The following RIT2 variants were observed in gnomAD, a reference collection of about 807,000 sequenced individuals.
The protein encoded by RIT2 is GTP-binding protein Rit2.
In RIT2, 24 loss-of-function variants were observed where a neutral mutation model predicts 23.7. That is an observed-to-expected ratio of 1.01 (90% confidence interval 0.73 to 1.43). The LOEUF is 1.43. Among genes scored for constraint, RIT2 ranks in the 40% most tolerant of loss-of-function variants. The pLI, the probability that RIT2 is intolerant of heterozygous loss-of-function variation, is 0.00. For synonymous variants in RIT2, 107 were observed against 91.1 expected (o/e 1.17, Z -0.99); for missense variants, 236 against 266.9 (o/e 0.88, Z 0.81).
intron 4 of RIT2, among the ~76,000 whole-genome samples, chr18:42,759,712 TACACACACAC>T (rs59733922): frequency 0.01 from 1,349 of 131,624 alleles, 11 homozygotes; most frequent in African/African-American, 0.02. Context: ...GTGTTAAATC[TACACACACAC>T]ACACACACAC....
chr18:42,753,170 G>C (rs1311441000), intron 4 of RIT2, among the ~76,000 whole-genome samples: 3 of 152,156 alleles, frequency 2.0e-5, no homozygotes, highest in African/African-American at 7.2e-5. Flanking sequence ...GTGGGAAGCG[G>C]CAAGCATCCT....
At chr18:43,108,274 C>T (rs1188730024) in intron 1 of RIT2, among the ~76,000 whole-genome samples, 1 of 151,666 alleles carries the variant, frequency 6.6e-6, no homozygotes, top group African/African-American at 2.4e-5. Context: ...ATAATGTAAA[C>T]ATCGAACTTA....
chr18:42,859,955 T>C (rs2144048019), intron 4 of RIT2, among the ~76,000 whole-genome samples: 1 of 151,634 alleles, frequency 6.6e-6, no homozygotes, highest in East Asian at 2.0e-4. Context: ...TCAGAGCCCC[T>C]CTACACATTT....
intron 2 of RIT2, among the ~76,000 whole-genome samples, chr18:43,026,325 G>A (rs772353090): frequency 5.9e-5 from 9 of 152,058 alleles, no homozygotes; most frequent in Non-Finnish European, 1.3e-4. Context: ...GGAAGCCAAC[G>A]CTGGTGGATC....
chr18:42,855,272 C>T (rs1448775637), intron 4 of RIT2, among the ~76,000 whole-genome samples: 1 of 152,098 alleles, frequency 6.6e-6, no homozygotes, highest in Non-Finnish European at 1.5e-5. Flanking sequence ...AAGTTTTCAT[C>T]AGGGAAATAC....
At chr18:42,938,098 T>TGATA (rs71371608) in intron 3 of RIT2, among the ~76,000 whole-genome samples, 1 of 152,082 alleles carries the variant, frequency 6.6e-6, no homozygotes, top group African/African-American at 2.4e-5. Context: ...ATATGATATC[T>TGATA]AAGAAAGAAA....
intron 1 of RIT2, among the ~76,000 whole-genome samples, chr18:43,054,696 T>C (rs898941353): frequency 1.3e-5 from 2 of 152,190 alleles, no homozygotes; most frequent in African/African-American, 4.8e-5. Context: ...ACCTTGATAA[T>C]AGAAATATTT....
intron 4 of RIT2, among the ~76,000 whole-genome samples, chr18:42,799,372 T>A (rs992400791): frequency 6.6e-6 from 1 of 152,206 alleles, no homozygotes; most frequent in Non-Finnish European, 1.5e-5. Context: ...TCATAAATAA[T>A]CATCTTTCAT....
intron 4 of RIT2, among the ~76,000 whole-genome samples, chr18:42,881,623 T>G (rs1907897031): frequency 6.6e-6 from 1 of 152,216 alleles, no homozygotes; most frequent in African/African-American, 2.4e-5. Context: ...TTTTCCCTCC[T>G]CTGCATACTC....
At chr18:43,022,409 G>A (rs2144267136) in intron 2 of RIT2, among the ~76,000 whole-genome samples, 1 of 152,182 alleles carries the variant, frequency 6.6e-6, no homozygotes, top group Non-Finnish European at 1.5e-5. Context: ...GGTAACTACA[G>A]TTAATAATGA....
chr18:42,942,598 C>A (rs1015595153), intron 3 of RIT2, among the ~76,000 whole-genome samples: 1 of 152,016 alleles, frequency 6.6e-6, no homozygotes, highest in African/African-American at 2.4e-5. Flanking sequence ...TGTCCACGTG[C>A]GCTTTCTCCA....
intron 4 of RIT2, among the ~76,000 whole-genome samples, chr18:42,768,667 T>G (rs1913479957): frequency 6.6e-6 from 1 of 152,168 alleles, no homozygotes; most frequent in African/African-American, 2.4e-5. Flanking sequence ...AAATTTATGT[T>G]TTAGGAAAGA....
At chr18:42,815,349 C>T (rs373204307) in intron 4 of RIT2, among the ~76,000 whole-genome samples, 146 of 152,208 alleles carry the variant, frequency 9.6e-4, no homozygotes, top group South Asian at 3.9e-3. Context: ...GCAATAGAAT[C>T]GAACAAGTAG....
chr18:42,822,040 T>G (rs1598668370), intron 4 of RIT2, among the ~76,000 whole-genome samples: 1 of 152,188 alleles, frequency 6.6e-6, no homozygotes, highest in Admixed American at 6.5e-5. Context: ...TGGATGTGTA[T>G]GCCCTCCTGC....
At position 42,905,922 on chromosome 18, in the gene RIT2, T is replaced by A. The variant is rs570222240; in HGVS notation, c.426+17650A>T. ...AAGGCTAAGGAGGAAAAAAAAAAAA[T>A]ATTTATAAGCAATGTTTTCCCATTT... On this transcript the variant is annotated intron_variant, in intron 4 of 4. Transcript: ENST00000326695. 1.7e-3 allele frequency among the ~76,000 whole-genome samples: 255 copies of A among 146,952 alleles called. 3 individuals carry two copies. The highest frequency in any genetic ancestry group is 4.1e-3 in the East Asian group (21 of 5,092).
At chr18:42,973,617 C>T (rs1910410882) in intron 3 of RIT2, among the ~76,000 whole-genome samples, 1 of 151,774 alleles carries the variant, frequency 6.6e-6, no homozygotes, top group Admixed American at 6.6e-5. Context: ...TTCTTCCCTA[C>T]AGGTTTGCAA....
At chr18:43,085,155 T>C (rs79308663) in intron 1 of RIT2, among the ~76,000 whole-genome samples, 2,700 of 152,142 alleles carry the variant, frequency 0.018, 87 homozygotes, top group African/African-American at 0.06. Context: ...TACTCTTATA[T>C]AGCATTAACA....
At chr18:42,820,085 C>T (rs993184610) in intron 4 of RIT2, among the ~76,000 whole-genome samples, 8 of 152,038 alleles carry the variant, frequency 5.3e-5, no homozygotes, top group African/African-American at 1.4e-4. Context: ...ATTTAAGTTT[C>T]GCTTTTTGGA....
chr18:42,973,379 G>T (rs1040688875), intron 3 of RIT2, among the ~76,000 whole-genome samples: 5 of 151,168 alleles, frequency 3.3e-5, no homozygotes, highest in South Asian at 2.1e-4. Context: ...AAATTATATG[G>T]TTTATGTCTA....
Sources: gnomAD v4.1 joint callset for allele counts (sites outside exome capture counted in the v4.1 genomes callset) on GRCh38, gnomAD v4.1.1 for gene constraint, MANE v1.5 for transcripts, NCBI Gene and HGNC (gene_info 2026-07-23, HGNC 2026-07-21) for gene names.